Variants in ATG5 observed in about 807,000 individuals in gnomAD.
ATG5 encodes autophagy protein 5.
In ATG5, 14 loss-of-function variants were observed where a neutral mutation model predicts 36.5. The observed-to-expected ratio is 0.38, with a 90% CI of 0.25 to 0.60. The LOEUF is 0.60. Among genes scored for constraint, ATG5 ranks in the 20% least tolerant of loss-of-function variants. The pLI is 0.60. For missense variants in ATG5, 195 were observed against 326.7 expected, an observed-to-expected ratio of 0.60 and a Z score of 3.11; for synonymous variants, 95 against 101.5, an observed-to-expected ratio of 0.94 and a Z score of 0.38.
chr6:106,216,588 T>C (rs963162190), intron 6 of ATG5, among the ~76,000 whole-genome samples: 4 of 152,164 alleles, frequency 2.6e-5, no homozygotes, highest in Non-Finnish European at 4.4e-5. Flanking sequence ...GGGGGAATGA[T>C]ATAAGTGACT....
intron 6 of ATG5, among the ~76,000 whole-genome samples, chr6:106,214,234 T>TA (rs1313140210): frequency 6.6e-6 from 1 of 152,084 alleles, no homozygotes; most frequent in African/African-American, 2.4e-5. Context: ...CCTCATTAAA[T>TA]AAAAAGAACA....
At position 106,229,378 on chromosome 6, in the gene ATG5, G is replaced by A. The variant is rs931267364; in HGVS notation, c.573+18772C>T. On this transcript the variant is annotated intron_variant, in intron 6 of 7. Transcript: ENST00000369076. ...ATGGCTAAGAGAGGAAACAGAGAGA[G>A]ACAGAGAGAAAGAGACAGTGAGAGA... is the stretch of plus-strand genomic sequence containing the variant. Among the ~76,000 whole-genome samples, 4 of 152,150 alleles carry A rather than the reference G, an allele frequency of 2.6e-5. No homozygotes were observed. The South Asian group carries it at 8.3e-4, about 32-fold the overall frequency.
intron 7 of ATG5, among the ~76,000 whole-genome samples, chr6:106,188,107 T>C (rs1775840068): frequency 6.6e-6 from 1 of 152,208 alleles, no homozygotes; most frequent in Non-Finnish European, 1.5e-5. Context: ...TTTGTTTTCA[T>C]AATGAAATAT....
chr6:106,244,534 G>A (rs1020961970), intron 6 of ATG5, among the ~76,000 whole-genome samples: 6 of 152,146 alleles, frequency 3.9e-5, no homozygotes, highest in Non-Finnish European at 5.9e-5. Context: ...AAATCTCTGG[G>A]AATGCAACAT....
chr6:106,297,717 A>AACACACACAC (rs56336702), intron 3 of ATG5, among the ~76,000 whole-genome samples: 191 of 135,516 alleles, frequency 1.4e-3, no homozygotes, highest in Middle Eastern at 7.8e-3. Context: ...AAATGACTTA[A>AACACACACAC]ACACACACAC....
At chr6:106,276,363 C>A (rs1481778067) in intron 5 of ATG5, among the ~76,000 whole-genome samples, 2 of 151,164 alleles carry the variant, frequency 1.3e-5, no homozygotes, top group African/African-American at 4.9e-5. Context: ...ATTCGGGAGG[C>A]TGAGGCAGGA....
At chr6:106,315,682 TCTC>T (rs1770820165) in intron 2 of ATG5, among the ~76,000 whole-genome samples, 3 of 152,252 alleles carry the variant, frequency 2.0e-5, no homozygotes, top group Admixed American at 1.3e-4. Context: ...TTGCTTAGAA[TCTC>T]CTAACTACAA....
At chr6:106,261,666 T>C (rs1464298955) in intron 5 of ATG5, among the ~76,000 whole-genome samples, 1 of 152,222 alleles carries the variant, frequency 6.6e-6, no homozygotes, top group African/African-American at 2.4e-5. Context: ...CTCCACATCA[T>C]TTCCCTCTAG....
At chr6:106,239,594 C>T (rs1778032836) in intron 6 of ATG5, among the ~76,000 whole-genome samples, 1 of 152,126 alleles carries the variant, frequency 6.6e-6, no homozygotes, top group African/African-American at 2.4e-5. Context: ...AAAAATACTA[C>T]TAGGATAAGA....
intron 6 of ATG5, among the ~76,000 whole-genome samples, chr6:106,239,768 T>C (rs907695045): frequency 6.6e-6 from 1 of 152,226 alleles, no homozygotes; most frequent in Non-Finnish European, 1.5e-5. Flanking sequence ...CTGCCTATTT[T>C]TGCAAATAAA....
intron 1 of ATG5, among the ~76,000 whole-genome samples, chr6:106,322,321 C>T (rs1349181750): frequency 6.6e-6 from 1 of 152,190 alleles, no homozygotes; most frequent in Admixed American, 6.5e-5. Context: ...AACTAACCTA[C>T]TACCTGAAGT....
intron 6 of ATG5, among the ~76,000 whole-genome samples, chr6:106,229,544 CAA>C (rs1777591689): frequency 6.6e-6 from 1 of 151,098 alleles, no homozygotes; most frequent in East Asian, 1.9e-4. Context: ...GAAAGAAAGA[CAA>C]AGATAGAAAT....
chr6:106,307,100 C>T (rs747883931), intron 3 of ATG5, among the ~76,000 whole-genome samples: 1 of 152,214 alleles, frequency 6.6e-6, no homozygotes, highest in Non-Finnish European at 1.5e-5. Context: ...TTCTTGGGAT[C>T]TCATCAGCAC....
chr6:106,203,202 A>G (rs909246901), intron 6 of ATG5, among the ~76,000 whole-genome samples: 5 of 152,202 alleles, frequency 3.3e-5, no homozygotes, highest in African/African-American at 9.6e-5. Flanking sequence ...GCAGCACTAC[A>G]TCGTAATTTA....
intron 6 of ATG5, among the ~76,000 whole-genome samples, chr6:106,218,085 CAA>C (rs1777105659): frequency 6.6e-6 from 1 of 152,058 alleles, no homozygotes; most frequent in Non-Finnish European, 1.5e-5. Flanking sequence ...CTGAGAAATG[CAA>C]AAGAGACTTT....
At chr6:106,196,790 T>A (rs1776211686) in intron 7 of ATG5, among the ~76,000 whole-genome samples, 2 of 151,552 alleles carry the variant, frequency 1.3e-5, no homozygotes, top group Admixed American at 1.3e-4. Flanking sequence ...AAATACAGTA[T>A]TAACACCCAA....
At chr6:106,234,704 C>T (rs540287026) in intron 6 of ATG5, among the ~76,000 whole-genome samples, 1 of 152,264 alleles carries the variant, frequency 6.6e-6, no homozygotes, top group African/African-American at 2.4e-5. Context: ...GTACCTAAGC[C>T]CCACAACAAA....
Position 106,202,068 on chromosome 6 carries a change from T to C in ATG5, c.595A>G (p.Ile199Val), listed in dbSNP as rs1456721564. ...IYQTTTERPFIQKLFRPVAAD... is the reference protein window; with the variant it reads ...IYQTTTERPFVQKLFRPVAAD... ...GCCACAGGACGAAACAGCTTCTGAA[T>C]GAAAGGTCTTTCAGTCGTTGTCTAT... Residue 199 changes from isoleucine (I) to valine (V), a missense_variant, in exon 7 of 8, where the codon ATT becomes GTT. By Grantham distance (29) the Ile-to-Val change is conservative (BLOSUM62 3). Coordinates refer to ENST00000369076, the MANE Select transcript of ATG5 (RefSeq NM_004849.4). 1 of 1,613,934 alleles carries C rather than the reference T, an allele frequency of 6.2e-7. No homozygotes were observed. Among genetic ancestry groups the C allele is most frequent in the South Asian group, 1.1e-5 (1 of 91,070 alleles).
At position 106,279,798 on chromosome 6, in the gene ATG5, T is replaced by G; in HGVS notation, c.341A>C (p.His114Pro). Residue 114 changes from histidine to proline, a missense_variant, in exon 5 of 8, where the codon CAC becomes CCC. Transcript: ENST00000369076. The stretch of plus-strand genomic sequence containing the variant: ...TTCAATTGCATCCTTAGATGGACAG[T>G]GCAGAAGGTCTTTTTCTGGAAAACT... ...FKSFPEKDLL[H>P]CPSKDAIEAH... The G allele has an allele frequency of 6.5e-7, 1 of 1,539,100 alleles. No homozygotes were observed. The highest frequency in any genetic ancestry group is 8.7e-7 in the Non-Finnish European group (1 of 1,144,406).
Sources: allele counts gnomAD v4.1 joint callset (sites outside exome capture counted in the v4.1 genomes callset), GRCh38; gene constraint gnomAD v4.1.1; transcripts MANE v1.5; gene names NCBI Gene and HGNC (gene_info 2026-07-23, HGNC 2026-07-21).